ARHGAP15: variants seen among roughly 807,000 people sequenced by gnomAD.
ARHGAP15 encodes the protein rho GTPase-activating protein 15.
ARHGAP15 carries 51 observed loss-of-function variants against 63.7 expected under a neutral mutation model. That is an observed-to-expected ratio of 0.80 (90% CI 0.64 to 1.01). ARHGAP15 has a LOEUF of 1.01. Ranked by LOEUF, ARHGAP15 falls within the 50% of genes least tolerant of loss-of-function variation. The pLI is 0.00. For missense variants in ARHGAP15, 560 were observed against 564.6 expected, an observed-to-expected ratio of 0.99 and a Z score of 0.08; for synonymous variants, 191 against 193.8, an observed-to-expected ratio of 0.99 and a Z score of 0.12.
chr2:143,180,909 G>A lies in ARHGAP15; in HGVS notation c.166-21225G>A, dbSNP rs373400224. 2.4e-4 allele frequency among the ~76,000 whole-genome samples: 36 copies of A among 152,152 alleles called. No homozygotes were observed. In the South Asian group the frequency reaches 5.8e-3, roughly 25 times the overall value. ...AGAATGGTCTCGATCTCCTGACCTC[G>A]TGATCCGTCGCCTCGGCCTCCCAAA... is the stretch of plus-strand genomic sequence containing the variant. On this transcript the variant is annotated intron_variant, in intron 2 of 13. Coordinates refer to ENST00000295095, the MANE Select transcript of ARHGAP15 (RefSeq NM_018460.4).
At chr2:143,378,797 TTA>T (rs1337456848) in intron 6 of ARHGAP15, among the ~76,000 whole-genome samples, 2 of 152,010 alleles carry the variant, frequency 1.3e-5, no homozygotes, top group African/African-American at 4.8e-5. Context: ...AAGATTTGAA[TTA>T]TATCCACAAA....
chr2:143,156,994 G>T (rs1485652934), intron 2 of ARHGAP15, among the ~76,000 whole-genome samples: 1 of 151,882 alleles, frequency 6.6e-6, no homozygotes, highest in Non-Finnish European at 1.5e-5. Context: ...TATATTTAAT[G>T]ATGCCTAACA....
chr2:143,760,679 C>G (rs1024831732), intron 13 of ARHGAP15, among the ~76,000 whole-genome samples: 1 of 152,090 alleles, frequency 6.6e-6, no homozygotes, highest in African/African-American at 2.4e-5. Context: ...GCCATGTTAG[C>G]TATCAAAATT....
intron 6 of ARHGAP15, among the ~76,000 whole-genome samples, chr2:143,392,243 C>T (rs1410867660): frequency 2.6e-5 from 4 of 152,142 alleles, no homozygotes; most frequent in Middle Eastern, 3.4e-3. Context: ...TATGAAGCTG[C>T]CATTTTCCAA....
chr2:143,689,139 G>C (rs1683480424), intron 12 of ARHGAP15, among the ~76,000 whole-genome samples: 6 of 151,846 alleles, frequency 4.0e-5, no homozygotes, highest in Admixed American at 3.9e-4. Flanking sequence ...TCCATATTCT[G>C]GGAAAACTTC....
At chr2:143,575,164 A>G (rs761947430) in intron 11 of ARHGAP15, among the ~76,000 whole-genome samples, 10 of 152,138 alleles carry the variant, frequency 6.6e-5, no homozygotes, top group Non-Finnish European at 1.2e-4. Flanking sequence ...CACTCTCCCT[A>G]TATGTGTAAG....
At chr2:143,359,497 A>G (rs901510215) in intron 6 of ARHGAP15, among the ~76,000 whole-genome samples, 1 of 152,056 alleles carries the variant, frequency 6.6e-6, no homozygotes, top group Non-Finnish European at 1.5e-5. Flanking sequence ...ACTCTTCTTC[A>G]GAATTCATTT....
chr2:143,691,198 AT>A (rs1277496683), intron 12 of ARHGAP15, among the ~76,000 whole-genome samples: 1 of 152,190 alleles, frequency 6.6e-6, no homozygotes, highest in Non-Finnish European at 1.5e-5. Context: ...GGAGGAAAAA[AT>A]TGGAGTCAAA....
In ARHGAP15 at chr2:143,216,427, A is replaced by T. The variant is rs563527890; in HGVS notation, c.278A>T (p.Asp93Val). The T allele has an allele frequency of 2.5e-6, 4 of 1,610,018 alleles. No individual in the cohort carries two copies. The highest frequency in any genetic ancestry group is 3.4e-6 in the Non-Finnish European group (4 of 1,178,004). Residue 93 changes from aspartate (D) to valine (V), a missense_variant, in exon 4 of 14, where the codon GAT (aspartate) becomes GTT (valine). Asp to Val is a radical substitution (Grantham distance 152, BLOSUM62 -3). Transcript: ENST00000295095. ...EGYLQKAKIA[D>V]GGKKLRKNWS... is the part of the protein sequence containing the mutation. The stretch of plus-strand genomic sequence containing the variant: ...TATCTGCAAAAAGCTAAAATTGCAG[A>T]TGGAGGAAAGAAACTAAGGTAATAA...
chr2:143,246,676 G>A (rs897077779), intron 5 of ARHGAP15, among the ~76,000 whole-genome samples: 9 of 152,004 alleles, frequency 5.9e-5, no homozygotes, highest in African/African-American at 1.9e-4. Context: ...AGGGCAGGTG[G>A]AGGGGGTGGT....
intron 4 of ARHGAP15, among the ~76,000 whole-genome samples, chr2:143,222,212 C>T (rs1265324604): frequency 3.3e-5 from 5 of 152,256 alleles, no homozygotes; most frequent in South Asian, 4.1e-4. Flanking sequence ...TGAGTCTGTA[C>T]GTTTAACAGT....
rs185531472 is a variant in ARHGAP15 at position 143,717,945 on chromosome 2, G to A, written c.1244+14421G>A. Among the ~76,000 whole-genome samples, 9 of 151,658 alleles carry A rather than the reference G, an allele frequency of 5.9e-5. No homozygotes were observed. The East Asian group carries it at 1.2e-3, about 20-fold the overall frequency. On this transcript the variant is annotated intron_variant, in intron 13 of 13. Coordinates refer to ENST00000295095, the MANE Select transcript of ARHGAP15 (RefSeq NM_018460.4). ...GATAATTGTTAAGAACACAGAGTCC[G>A]ATGGTAGCCCACGCAACAGGAAGCC...
At chr2:143,211,915 T>G (rs182430636) in intron 3 of ARHGAP15, among the ~76,000 whole-genome samples, 16 of 152,218 alleles carry the variant, frequency 1.1e-4, no homozygotes, top group African/African-American at 3.9e-4. Context: ...AAGAGAACAA[T>G]AACTTAAATA....
chr2:143,357,539 T>C (rs996787273), intron 6 of ARHGAP15, among the ~76,000 whole-genome samples: 1 of 152,224 alleles, frequency 6.6e-6, no homozygotes, highest in Non-Finnish European at 1.5e-5. Context: ...TTGGTTCTTC[T>C]GTGCAGAAAA....
At chr2:143,552,807 CA>C (rs561356084) in intron 10 of ARHGAP15, among the ~76,000 whole-genome samples, 29 of 152,192 alleles carry the variant, frequency 1.9e-4, no homozygotes, top group African/African-American at 7.0e-4. Context: ...TTTAGCATAA[CA>C]GGCAAAAATC....
chr2:143,438,033 G>T (rs985541118), intron 8 of ARHGAP15, among the ~76,000 whole-genome samples: 2 of 152,076 alleles, frequency 1.3e-5, no homozygotes, highest in African/African-American at 4.8e-5. Flanking sequence ...TCTCAGAAAA[G>T]GTAGACATCT....
chr2:143,204,030 T>C (rs1692227469), intron 3 of ARHGAP15, among the ~76,000 whole-genome samples: 1 of 152,100 alleles, frequency 6.6e-6, no homozygotes, highest in African/African-American at 2.4e-5. Flanking sequence ...CACCTCCAGG[T>C]GCTTCAGTCA....
intron 11 of ARHGAP15, among the ~76,000 whole-genome samples, chr2:143,581,647 G>A (rs533309164): frequency 1.4e-4 from 21 of 152,242 alleles, no homozygotes; most frequent in African/African-American, 4.8e-4. Context: ...TCTACTGCCT[G>A]GCAAAGGGAT....
intron 11 of ARHGAP15, among the ~76,000 whole-genome samples, chr2:143,576,685 A>T (rs1696693966): frequency 1.3e-5 from 2 of 152,144 alleles, no homozygotes; most frequent in Non-Finnish European, 2.9e-5. Context: ...AATCAGAAGA[A>T]GGGAGGATTA....
Sources: gnomAD v4.1 joint callset for allele counts (sites outside exome capture counted in the v4.1 genomes callset) on GRCh38, gnomAD v4.1.1 for gene constraint, MANE v1.5 for transcripts, NCBI Gene and HGNC (gene_info 2026-07-23, HGNC 2026-07-21) for gene names.